Variants in PCOLCE observed in about 807,000 individuals in gnomAD.
PCOLCE encodes procollagen C-endopeptidase enhancer 1.
A neutral mutation model predicts 47.2 loss-of-function variants in PCOLCE; 33 were observed. The ratio of observed to expected loss-of-function variants is 0.70; its 90% CI spans 0.53 to 0.93. The LOEUF (loss-of-function observed/expected upper bound fraction) is 0.93, where lower values mean the gene tolerates loss of function less well. Among genes scored for constraint, PCOLCE ranks in the 40% least tolerant of loss-of-function variants. The pLI, the probability that PCOLCE is intolerant of heterozygous loss-of-function variation, is 0.00. For missense variants in PCOLCE, 584 were observed against 585.3 expected (o/e 1.00, Z 0.02); for synonymous variants, 254 against 252.5 (o/e 1.01, Z -0.06).
chr7:100,605,610 T>C lies in PCOLCE; in HGVS notation c.589-66T>C. 3 of 1,526,576 alleles carry C rather than the reference T, an allele frequency of 2.0e-6. No individual in the cohort carries two copies. Among genetic ancestry groups the C allele is most frequent in the South Asian group, 2.5e-5 (2 of 81,274 alleles). The allele number at this position is 1,526,576 out of a possible 1,614,324, so 94.6% of individuals were successfully genotyped here. A position where few individuals can be genotyped will look rare whatever the true frequency, so the allele number is the denominator to read the frequency against. ...AGTGGGAGCTGCTGCAGGCACCCAG[T>C]AGGAGATGAGGTGCAGGCGCCCAGG... is the stretch of plus-strand genomic sequence containing the variant. On this transcript the variant is annotated intron_variant, in intron 4 of 8. Coordinates refer to ENST00000223061, the MANE Select transcript of PCOLCE (RefSeq NM_002593.4). The surrounding 1 kb of genome is among the most constrained non-coding windows in gnomAD (Gnocchi z 6.1).
Position 100,602,509 on chromosome 7 carries a change from C to T in PCOLCE, c.53C>T (p.Ala18Val). ...CTGGGGCCCCTCCTCACTGCCTGCG[C>T]CCTGCTGCCTTTTGCCCAGGGCCAG... ...SLLGPLLTAC[A>V]LLPFAQGQTP... is the part of the protein sequence containing the mutation. The change falls in exon 1 of 9, where the codon GCC becomes GTC. Residue 18 changes from alanine (A) to valine (V), a missense_variant. Transcript: ENST00000223061. 1 of 1,613,232 alleles carries T rather than the reference C, an allele frequency of 6.2e-7. No homozygotes were observed. The highest frequency in any genetic ancestry group is 8.5e-7 in the Non-Finnish European group (1 of 1,179,796).
rs1053699770 is a variant in PCOLCE at position 100,605,386 on chromosome 7, A to G, written c.588+171A>G. 15 of 715,204 alleles carry G rather than the reference A, an allele frequency of 2.1e-5. 1 individual carries two copies. The highest frequency in any genetic ancestry group is 3.9e-4 in the Middle Eastern group (1 of 2,568). The allele number at this position is 715,204 out of a possible 1,614,324, so 44.3% of individuals were successfully genotyped here. A position where few individuals can be genotyped will look rare whatever the true frequency, so the allele number is the denominator to read the frequency against. ...GCACGCAAACAAAAATGTAAAAATT[A>G]CAACTGAGACAAGTCTCAGGAGAGC... On this transcript the variant is annotated intron_variant, in intron 4 of 8. Coordinates refer to ENST00000223061, the MANE Select transcript of PCOLCE (RefSeq NM_002593.4). The surrounding 1 kb of genome is among the most constrained non-coding windows in gnomAD (Gnocchi z 6.1).
In PCOLCE at chr7:100,605,908, C is replaced by A; in HGVS notation, c.725+96C>A. The stretch of plus-strand genomic sequence containing the variant: ...CGGGGTTCAGCTAAAGGGACGGGAT[C>A]TGAACCCCAGGGCTCCAAACCGGCG... On this transcript the variant is annotated intron_variant, in intron 5 of 8. Coordinates refer to ENST00000223061, the MANE Select transcript of PCOLCE (RefSeq NM_002593.4). This position sits in a 1 kb window ranked among gnomAD's most constrained non-coding sequence, Gnocchi z 6.1. 1 of 1,358,812 alleles carries A rather than the reference C, an allele frequency of 7.4e-7. No individual in the cohort carries two copies. Among genetic ancestry groups the A allele is most frequent in the Non-Finnish European group, 1.0e-6 (1 of 996,796 alleles). The allele number at this position is 1,358,812 out of a possible 1,614,324, so 84.2% of individuals were successfully genotyped here. A position where few individuals can be genotyped will look rare whatever the true frequency, so the allele number is the denominator to read the frequency against.
Position 100,603,424 on chromosome 7 carries a change from C to A in PCOLCE, c.96-6C>A. The A allele has an allele frequency of 3.3e-6, 5 of 1,499,412 alleles. No individual in the cohort carries two copies. The highest frequency in any genetic ancestry group is 1.1e-5 in the South Asian group (1 of 87,778). 92.9% of individuals were successfully genotyped at this position (1,499,412 alleles called of 1,614,324 possible). ...GCTCTTTCCTGACCCCTTTTCTGTT[C>A]TCCAGACCCGTGTTCCTGTGCGGAG... On this transcript the variant is annotated splice_region_variant and splice_polypyrimidine_tract_variant and intron_variant, in intron 1 of 8. Transcript: ENST00000223061.
intron 1 of PCOLCE, 61 bp downstream of exon 1, chr7:100,602,612 G>C (rs1363978791): frequency 9.3e-7 from 1 of 1,076,450 alleles, no homozygotes; most frequent in African/African-American, 1.5e-5. Flanking sequence ...ATTCCTTTGG[G>C]GTTATGCCTG....
In PCOLCE at chr7:100,605,121, A is replaced by G; in HGVS notation, c.494A>G (p.Lys165Arg). Residue 165 changes from lysine to arginine, a missense_variant, in exon 4 of 9, where the codon AAG becomes AGG. Lys to Arg is a conservative substitution (Grantham distance 26). Transcript: ENST00000223061. The surrounding 1 kb of genome is among the most constrained non-coding windows in gnomAD (Gnocchi z 6.1). ...EHQFCGGRLE[K>R]AQGTLTTPNW... ...CAATTTTGCGGGGGGCGGCTGGAGA[A>G]GGCCCAGGGAACCCTGACCACGCCC... 6.2e-7 allele frequency: 1 copy of G among 1,612,574 alleles called. No individual in the cohort carries two copies. The highest frequency in any genetic ancestry group is 8.5e-7 in the Non-Finnish European group (1 of 1,179,482).
At chr7:100,603,594 T>G in intron 2 of PCOLCE, 56 bp downstream of exon 2, 7 of 836,456 alleles carry the variant, frequency 8.4e-6, no homozygotes, top group Non-Finnish European at 1.2e-5. Context: ...CAAAAAGGCC[T>G]GACTGCGAAG....
intron 1 of PCOLCE, chr7:100,602,901 G>T: frequency 2.8e-6 from 1 of 357,428 alleles, no homozygotes. Context: ...GGGGAGGAGG[G>T]GGCAGTGAGT....
chr7:100,605,548 C>T lies in PCOLCE; in HGVS notation c.589-128C>T, dbSNP rs945338329. The T allele has an allele frequency of 1.1e-4, 132 of 1,156,312 alleles. No homozygotes were observed. Among genetic ancestry groups the T allele is most frequent in the Non-Finnish European group, 1.5e-4 (126 of 817,474 alleles). The allele number at this position is 1,156,312 out of a possible 1,614,324, so 71.6% of individuals were successfully genotyped here. A position where few individuals can be genotyped will look rare whatever the true frequency, so the allele number is the denominator to read the frequency against. Reference sequence around the variant, plus strand: ...GGTCCTCCGTGCTGTGGTGTGAACGCCTTCAGGAGGGGGGCCCAGAGGACG... The same window carrying T: ...GGTCCTCCGTGCTGTGGTGTGAACGTCTTCAGGAGGGGGGCCCAGAGGACG... On this transcript the variant is annotated intron_variant, in intron 4 of 8. Coordinates refer to ENST00000223061, the MANE Select transcript of PCOLCE (RefSeq NM_002593.4). The surrounding 1 kb of genome is among the most constrained non-coding windows in gnomAD (Gnocchi z 6.1).
Position 100,604,338 on chromosome 7 carries a change from C to T in PCOLCE, c.463+121C>T. ...CCCCAGTGCCTAGGGCCCCCTACCTCCCTGACCCATTTTCCTCACTAACCG... is the reference window on the plus strand; with the variant it reads ...CCCCAGTGCCTAGGGCCCCCTACCTTCCTGACCCATTTTCCTCACTAACCG... On this transcript the variant is annotated intron_variant, in intron 3 of 8. Transcript: ENST00000223061. This position sits in a 1 kb window ranked among gnomAD's most constrained non-coding sequence, Gnocchi z 6.4. 1.2e-6 allele frequency: 1 copy of T among 842,318 alleles called. No individual in the cohort carries two copies. The highest frequency in any genetic ancestry group is 2.7e-4 in the Middle Eastern group (1 of 3,742). The allele number at this position is 842,318 out of a possible 1,614,324, so 52.2% of individuals were successfully genotyped here.
chr7:100,604,154 G>C lies in PCOLCE; in HGVS notation c.400G>C (p.Asp134His), dbSNP rs1324540501. The C allele has an allele frequency of 1.2e-6, 2 of 1,613,340 alleles. No individual in the cohort carries two copies. The highest frequency in any genetic ancestry group is 2.2e-5 in the South Asian group (2 of 91,088). The change falls in exon 3 of 9, where the codon GAT (aspartate) becomes CAT (histidine). Residue 134 changes from aspartate to histidine, a missense_variant. Physicochemically the swap from Asp to His is moderately conservative, Grantham distance 81. Coordinates refer to ENST00000223061, the MANE Select transcript of PCOLCE (RefSeq NM_002593.4). The surrounding 1 kb of genome is among the most constrained non-coding windows in gnomAD (Gnocchi z 6.4). ...CCAGGTGACCCTGAGGATGACGACG[G>C]ATGAGGGCACAGGAGGACGAGGCTT... Reference protein sequence around the residue: ...GNQVTLRMTTDEGTGGRGFLL... With the variant: ...GNQVTLRMTTHEGTGGRGFLL...
Position 100,602,461 on chromosome 7 carries a change from T to C in PCOLCE, c.5T>C (p.Leu2Pro), listed in dbSNP as rs777635725. The change falls in exon 1 of 9, where the codon CTG (leucine) becomes CCG (proline). Residue 2 changes from leucine (L) to proline (P), a missense_variant. Physicochemically the swap from Leu to Pro is moderately conservative, Grantham distance 98 (BLOSUM62 -3). Coordinates refer to ENST00000223061, the MANE Select transcript of PCOLCE (RefSeq NM_002593.4). The stretch of plus-strand genomic sequence containing the variant: ...CAGCGCCTTTCCCCCGGGGCCATGC[T>C]GCCTGCAGCCACAGCCTCCCTCCTG... M[L>P]PAATASLLGP... is the part of the protein sequence containing the mutation. The C allele has an allele frequency of 3.7e-6, 6 of 1,610,852 alleles. No individual in the cohort carries two copies. Among genetic ancestry groups the C allele is most frequent in the South Asian group, 2.2e-5 (2 of 91,046 alleles).
Position 100,607,473 on chromosome 7 carries a change from A to C in PCOLCE, c.962A>C (p.Gln321Pro). ...CTAGATGCACCCACCTGCCCAAAGCAGTGCCGCCGGACAGGCACCTTGCAG... is the reference window on the plus strand; with the variant it reads ...CTAGATGCACCCACCTGCCCAAAGCCGTGCCGCCGGACAGGCACCTTGCAG... The part of the protein sequence containing the change: ...SAPDAPTCPK[Q>P]CRRTGTLQSN... Residue 321 changes from glutamine to proline, a missense_variant, in exon 7 of 9, where the codon CAG becomes CCG. By Grantham distance (76) the Gln-to-Pro change is moderately conservative. Transcript: ENST00000223061. 6.2e-7 allele frequency: 1 copy of C among 1,614,110 alleles called. No homozygotes were observed. Among genetic ancestry groups the C allele is most frequent in the Admixed American group, 1.7e-5 (1 of 60,022 alleles).
Position 100,605,699 on chromosome 7 carries a change from G to A in PCOLCE, c.612G>A (p.Lys204=), listed in dbSNP as rs747185954. 1.1e-5 allele frequency: 18 copies of A among 1,582,726 alleles called. No individual in the cohort carries two copies. Among genetic ancestry groups the A allele is most frequent in the Admixed American group, 1.8e-5 (1 of 55,760 alleles). Residue 204 remains lysine, a synonymous_variant, in exon 5 of 9, where the codon AAG becomes AAA. Transcript: ENST00000223061. This position sits in a 1 kb window ranked among gnomAD's most constrained non-coding sequence, Gnocchi z 6.1. ...AGGTCATCGCGCTGACCTTCGAGAA[G>A]TTTGACCTGGAGCCGGACACCTACT... ...PDQVIALTFE[K]FDLEPDTYCR...
At chr7:100,603,802 G>C (rs1327565904) in intron 2 of PCOLCE, 157 bp from the exon 3 acceptor site, 1 of 785,206 alleles carries the variant, frequency 1.3e-6, no homozygotes, top group South Asian at 1.7e-5. Context: ...GCTACCAGCA[G>C]AGCTGCAGAG....
chr7:100,606,838 C>T (rs1417767157), intron 6 of PCOLCE, among the ~76,000 whole-genome samples: 2 of 152,174 alleles, frequency 1.3e-5, no homozygotes, highest in African/African-American at 4.8e-5. Flanking sequence ...CGCCTGTAAT[C>T]CCAGCACTTT....
chr7:100,605,679 A>G lies in PCOLCE; in HGVS notation c.592A>G (p.Ile198Val). ...CCCCGCCTCCGCCCGCCGCCAGGTC[A>G]TCGCGCTGACCTTCGAGAAGTTTGA... ...WHIIAPPDQVIALTFEKFDLE... is the reference protein window; with the variant it reads ...WHIIAPPDQVVALTFEKFDLE... Residue 198 changes from isoleucine (I) to valine (V), a missense_variant, in exon 5 of 9, where the codon ATC (isoleucine) becomes GTC (valine). Physicochemically the swap from Ile to Val is conservative, Grantham distance 29 (BLOSUM62 3). Coordinates refer to ENST00000223061, the MANE Select transcript of PCOLCE (RefSeq NM_002593.4). The surrounding 1 kb of genome is among the most constrained non-coding windows in gnomAD (Gnocchi z 6.1). 1 of 1,581,086 alleles carries G rather than the reference A, an allele frequency of 6.3e-7. No individual in the cohort carries two copies. The highest frequency in any genetic ancestry group is 8.6e-7 in the Non-Finnish European group (1 of 1,163,870).
intron 5 of PCOLCE, 195 bp downstream of exon 5, chr7:100,606,007 T>C (rs1802710420): frequency 7.9e-6 from 5 of 629,830 alleles, no homozygotes; most frequent in African/African-American, 1.8e-5. Flanking sequence ...GAGAGGCGAC[T>C]GGGGCTCTGC....
At chr7:100,606,902 C>G (rs145639955) in intron 6 of PCOLCE, among the ~76,000 whole-genome samples, 1 of 152,256 alleles carries the variant, frequency 6.6e-6, no homozygotes, top group African/African-American at 2.4e-5. Context: ...ACCACCCCGG[C>G]TAACATGGCA....
Sources: gnomAD v4.1 joint callset for allele counts (sites outside exome capture counted in the v4.1 genomes callset) on GRCh38, gnomAD v4.1.1 for gene constraint, Gnocchi (gnomAD v3.1) non-coding constraint, MANE v1.5 for transcripts, NCBI Gene and HGNC (gene_info 2026-07-23, HGNC 2026-07-21) for gene names.